Variants in ZNF536 observed in about 807,000 individuals in gnomAD.
The protein encoded by ZNF536 is zinc finger protein 536.
ZNF536 carries 13 observed loss-of-function variants against 84.5 expected under a neutral mutation model. The ratio of observed to expected loss-of-function variants is 0.15; its 90% CI spans 0.10 to 0.24. The LOEUF is 0.24. ZNF536 is among the 10% of genes least tolerant of loss of function. The pLI, the probability that ZNF536 is intolerant of heterozygous loss-of-function variation, is 1.00. For synonymous variants in ZNF536, 811 were observed against 742.5 expected, an observed-to-expected ratio of 1.09 and a Z score of -1.50; for missense variants, 1,536 against 1,747.5, an observed-to-expected ratio of 0.88 and a Z score of 2.16.
chr19:30,371,461 G>A (rs1361641934), upstream of ZNF536, among the ~76,000 whole-genome samples: 1 of 152,026 alleles, frequency 6.6e-6, no homozygotes, highest in Non-Finnish European at 1.5e-5. Flanking sequence ...AGTCCCTGGA[G>A]TTAGCCTTGC....
intron 1 of ZNF536, among the ~76,000 whole-genome samples, chr19:30,632,205 T>A (rs2048911574): frequency 6.6e-6 from 1 of 152,220 alleles, no homozygotes; most frequent in African/African-American, 2.4e-5. Flanking sequence ...ATGAAAGTGA[T>A]GTCCTACTAT....
chr19:30,462,490 G>A (rs939078976), intron 2 of ZNF536, among the ~76,000 whole-genome samples: 3 of 152,050 alleles, frequency 2.0e-5, no homozygotes, highest in East Asian at 1.9e-4. Flanking sequence ...ATGTGTTGGC[G>A]TGTGTGTCTT....
At chr19:30,295,862 C>T (rs540133506) in intron 2 of ZNF536, among the ~76,000 whole-genome samples, 1 of 152,308 alleles carries the variant, frequency 6.6e-6, no homozygotes, top group South Asian at 2.1e-4. Flanking sequence ...CCTCTTGTTG[C>T]CAGATGTGGC....
chr19:30,465,871 C>A (rs562563260), intron 2 of ZNF536, among the ~76,000 whole-genome samples: 2 of 152,046 alleles, frequency 1.3e-5, no homozygotes, highest in South Asian at 4.1e-4. Flanking sequence ...CTGTCTCAGC[C>A]TCCCGAGTAG....
intron 1 of ZNF536, among the ~76,000 whole-genome samples, chr19:30,585,499 C>T (rs2047065612): frequency 6.6e-6 from 1 of 152,164 alleles, no homozygotes; most frequent in Admixed American, 6.5e-5. Flanking sequence ...GACTGTGGCC[C>T]TGGTGGTCAG....
chr19:30,378,643 C>T (rs1568371690), intron 1 of ZNF536, among the ~76,000 whole-genome samples: 1 of 151,866 alleles, frequency 6.6e-6, no homozygotes, highest in African/African-American at 2.4e-5. Flanking sequence ...CCAACTGCAT[C>T]TCCCTTGAGG....
intron 2 of ZNF536, among the ~76,000 whole-genome samples, chr19:30,315,179 G>A (rs1312861783): frequency 6.6e-5 from 10 of 152,204 alleles, no homozygotes; most frequent in Non-Finnish European, 1.3e-4. Context: ...CACATAATAG[G>A]TGCTCAACAA....
chr19:30,494,429 G>A (rs2054633015), intron 2 of ZNF536, among the ~76,000 whole-genome samples: 2 of 152,208 alleles, frequency 1.3e-5, no homozygotes, highest in Admixed American at 1.3e-4. Context: ...CACCTGGTAA[G>A]GCTGGGATGA....
At chr19:30,411,717 T>G (rs756235960) in intron 1 of ZNF536, among the ~76,000 whole-genome samples, 1 of 152,102 alleles carries the variant, frequency 6.6e-6, no homozygotes, top group Non-Finnish European at 1.5e-5. Flanking sequence ...TTACTGTATT[T>G]TGATTTGATA....
At chr19:30,412,958 A>T (rs939943497) in intron 1 of ZNF536, among the ~76,000 whole-genome samples, 65 of 151,766 alleles carry the variant, frequency 4.3e-4, no homozygotes, top group African/African-American at 1.4e-3. Flanking sequence ...ATATCTGATA[A>T]TTTTTTTAGA....
intron 1 of ZNF536, among the ~76,000 whole-genome samples, chr19:30,419,992 G>A (rs2050885464): frequency 6.6e-6 from 1 of 152,168 alleles, no homozygotes; most frequent in Non-Finnish European, 1.5e-5. Context: ...CCGGTCCTGG[G>A]ATGAGTCATG....
At chr19:30,374,690 G>T (rs1600445844) in intron 1 of ZNF536, among the ~76,000 whole-genome samples, 1 of 150,398 alleles carries the variant, frequency 6.6e-6, no homozygotes, top group Middle Eastern at 3.4e-3. Context: ...ACTGAGTGTT[G>T]TTTTTTTTTC....
chr19:30,574,855 T>C (rs1486915369), intron 1 of ZNF536, among the ~76,000 whole-genome samples: 1 of 152,240 alleles, frequency 6.6e-6, no homozygotes, highest in Admixed American at 6.5e-5. Flanking sequence ...TCCTGACTTC[T>C]GCTAAATCCT....
rs1003777049 is a variant in ZNF536 at position 30,579,269 on chromosome 19, G to A, written c.169+29755G>A. 2.6e-5 allele frequency among the ~76,000 whole-genome samples: 4 copies of A among 152,156 alleles called. No homozygotes were observed. The South Asian group carries it at 6.2e-4, about 24-fold the overall frequency. Reference sequence around the variant, plus strand: ...ACAGCTATAGCAGTTAGCTACTGCCGTGTTACAAACTTAGTGGGTAAAACA... The same window carrying A: ...ACAGCTATAGCAGTTAGCTACTGCCATGTTACAAACTTAGTGGGTAAAACA... On this transcript the variant is annotated intron_variant, in intron 1 of 1. Coordinates refer to the ZNF536 transcript ENST00000592773.
At chr19:30,588,966 G>A (rs865825919) in intron 1 of ZNF536, among the ~76,000 whole-genome samples, 12 of 152,304 alleles carry the variant, frequency 7.9e-5, no homozygotes, top group East Asian at 1.9e-4. Context: ...GAAACATTGG[G>A]ATGTGAGGTG....
At chr19:30,314,192 G>A (rs2046601417) in intron 2 of ZNF536, among the ~76,000 whole-genome samples, 1 of 152,170 alleles carries the variant, frequency 6.6e-6, no homozygotes, top group Non-Finnish European at 1.5e-5. Context: ...AAGGGCCTGG[G>A]GGCCCCGGGG....
chr19:30,666,879 G>A (rs2050345027), intron 1 of ZNF536, among the ~76,000 whole-genome samples: 1 of 151,368 alleles, frequency 6.6e-6, no homozygotes, highest in South Asian at 2.1e-4. Flanking sequence ...TATTTTAAAA[G>A]ACTTATTCAC....
intron 2 of ZNF536, among the ~76,000 whole-genome samples, chr19:30,494,403 A>T (rs1167091916): frequency 6.6e-6 from 1 of 152,158 alleles, no homozygotes; most frequent in East Asian, 1.9e-4. Flanking sequence ...TCCTTTTACA[A>T]CTTGCATTTT....
chr19:30,288,005 G>C (rs185460996), intron 2 of ZNF536, among the ~76,000 whole-genome samples: 1 of 152,230 alleles, frequency 6.6e-6, no homozygotes, highest in East Asian at 1.9e-4. Context: ...TTATAACAAG[G>C]CATTTTCTTT....
Sources: gnomAD v4.1 joint callset for allele counts (sites outside exome capture counted in the v4.1 genomes callset) on GRCh38, gnomAD v4.1.1 for gene constraint, MANE v1.5 for transcripts, NCBI Gene and HGNC (gene_info 2026-07-23, HGNC 2026-07-21) for gene names.